The following CAST variants were observed in gnomAD, a reference collection of about 807,000 sequenced individuals.
CAST encodes the protein MIR583 host.
CAST carries 76 observed loss-of-function variants against 119.6 expected under a neutral mutation model. That is an observed-to-expected ratio of 0.64 (90% CI 0.53 to 0.77). The LOEUF (loss-of-function observed/expected upper bound fraction) is 0.77, where lower values mean the gene tolerates loss of function less well. Ranked by LOEUF, CAST falls within the 30% of genes least tolerant of loss-of-function variation. The pLI is 0.00. For missense variants in CAST, 953 were observed against 946.5 expected (o/e 1.01, Z -0.09); for synonymous variants, 319 against 331.6 (o/e 0.96, Z 0.41).
chr5:96,269,524 C>A, the CAST span, among the ~76,000 whole-genome samples: 5 of 152,050 alleles, frequency 3.3e-5, no homozygotes, highest in African/African-American at 1.2e-4. Flanking sequence ...CTTCTATCAG[C>A]ACATGGAACA....
At chr5:96,311,825 G>A in the CAST span, among the ~76,000 whole-genome samples, 1 of 151,648 alleles carries the variant, frequency 6.6e-6, no homozygotes, top group East Asian at 1.9e-4. Flanking sequence ...ATTTCTTATA[G>A]GCAGCATATA....
At chr5:96,508,423 C>A in the CAST span, among the ~76,000 whole-genome samples, 1 of 152,110 alleles carries the variant, frequency 6.6e-6, no homozygotes, top group Non-Finnish European at 1.5e-5. Context: ...ATTGTAGCTA[C>A]GATTATAATA....
At chr5:96,684,438 C>T (rs145916984) in intron 2 of CAST, among the ~76,000 whole-genome samples, 246 of 152,200 alleles carry the variant, frequency 1.6e-3, no homozygotes, top group Non-Finnish European at 2.8e-3. Context: ...GCAGCACCTT[C>T]CCATTAAAAA....
the CAST span, among the ~76,000 whole-genome samples, chr5:96,193,160 CT>C: frequency 2.0e-5 from 3 of 151,794 alleles, no homozygotes; most frequent in East Asian, 3.9e-4. Flanking sequence ...TTCCTTTCTC[CT>C]TTTTTTTGTT....
At chr5:96,570,815 C>G (rs2150187030) in intron 1 of CAST, among the ~76,000 whole-genome samples, 1 of 152,206 alleles carries the variant, frequency 6.6e-6, no homozygotes, top group East Asian at 1.9e-4. Flanking sequence ...TCAACTCAAA[C>G]CCAAGTTTGT....
intron 1 of CAST, among the ~76,000 whole-genome samples, chr5:96,563,876 C>T (rs1340508082): frequency 6.6e-6 from 1 of 152,154 alleles, no homozygotes; most frequent in African/African-American, 2.4e-5. Flanking sequence ...GATACAAAGA[C>T]GCAAGTGTTT....
At chr5:96,614,172 A>C (rs931492297) in intron 1 of CAST, among the ~76,000 whole-genome samples, 5 of 152,314 alleles carry the variant, frequency 3.3e-5, no homozygotes, top group Middle Eastern at 3.4e-3. Context: ...TTTAATTAAC[A>C]TGATTAAAGG....
chr5:96,342,500 A>T, the CAST span, among the ~76,000 whole-genome samples: 1 of 152,166 alleles, frequency 6.6e-6, no homozygotes, highest in Non-Finnish European at 1.5e-5. Flanking sequence ...CTCTTGGAGA[A>T]CCACTGTCCT....
In CAST at chr5:96,596,213, A is replaced by G. The variant is rs558471228; in HGVS notation, c.60+66333A>G. Among the ~76,000 whole-genome samples, 4 of 152,358 alleles carry G rather than the reference A, an allele frequency of 2.6e-5. No individual in the cohort carries two copies. In the South Asian group the frequency reaches 6.2e-4, roughly 24 times the overall value. On this transcript the variant is annotated intron_variant, in intron 1 of 11. Coordinates refer to the CAST transcript ENST00000505143. The stretch of plus-strand genomic sequence containing the variant: ...CCTGGATTAGCCAGGTAGGCCCAAT[A>G]CAGTCACAGTTGTCCTTACAAGAGG...
the CAST span, chr5:96,397,337 A>G: frequency 6.2e-7 from 1 of 1,612,802 alleles, no homozygotes; most frequent in Admixed American, 1.7e-5. Context: ...CACACTTACC[A>G]TGTCTGTAAT....
chr5:96,759,104 C>G (rs1214777823), intron 24 of CAST, among the ~76,000 whole-genome samples: 2 of 151,568 alleles, frequency 1.3e-5, no homozygotes, highest in East Asian at 3.9e-4. Context: ...TAAAAAAAAT[C>G]TTACTCTTAG....
the CAST span, among the ~76,000 whole-genome samples, chr5:96,356,732 T>G: frequency 2.0e-5 from 3 of 152,220 alleles, no homozygotes; most frequent in African/African-American, 7.2e-5. Context: ...TTTATTACTG[T>G]AGCCTTGTAG....
intron 3 of CAST, among the ~76,000 whole-genome samples, chr5:96,718,126 C>A (rs759142301): frequency 6.6e-6 from 1 of 152,272 alleles, no homozygotes; most frequent in East Asian, 1.9e-4. Context: ...CATGGTATTA[C>A]CCCCATTTTA....
chr5:96,220,257 A>C, the CAST span, among the ~76,000 whole-genome samples: 1 of 152,208 alleles, frequency 6.6e-6, no homozygotes, highest in Non-Finnish European at 1.5e-5. Flanking sequence ...TTGTGAAGAC[A>C]TGATGCTTCG....
the CAST span, among the ~76,000 whole-genome samples, chr5:96,487,816 G>A: frequency 6.6e-6 from 1 of 152,152 alleles, no homozygotes; most frequent in Non-Finnish European, 1.5e-5. Context: ...TTTCTATTCT[G>A]TCATTGCTGT....
At chr5:96,709,959 C>G (rs1002766966) in intron 3 of CAST, among the ~76,000 whole-genome samples, 1 of 152,258 alleles carries the variant, frequency 6.6e-6, no homozygotes, top group African/African-American at 2.4e-5. Context: ...CAACATACTA[C>G]TATTTCCTTG....
chr5:96,364,740 G>T, the CAST span, among the ~76,000 whole-genome samples: 4 of 152,056 alleles, frequency 2.6e-5, no homozygotes, highest in Non-Finnish European at 5.9e-5. Flanking sequence ...CTTGCTGCAG[G>T]TCTATCAATT....
At chr5:96,389,800 C>T in the CAST span, among the ~76,000 whole-genome samples, 46 of 152,036 alleles carry the variant, frequency 3.0e-4, no homozygotes, top group African/African-American at 9.4e-4. Flanking sequence ...CTGGGTGTGG[C>T]GGTGCACACC....
At chr5:96,133,381 G>T in the CAST span, among the ~76,000 whole-genome samples, 9 of 152,046 alleles carry the variant, frequency 5.9e-5, no homozygotes, top group Admixed American at 3.3e-4. Context: ...AAGGATGTGG[G>T]GACAAGGCAG....
Sources: allele counts gnomAD v4.1 joint callset (sites outside exome capture counted in the v4.1 genomes callset), GRCh38; gene constraint gnomAD v4.1.1; transcripts MANE v1.5; gene names NCBI Gene and HGNC (gene_info 2026-07-23, HGNC 2026-07-21).